Variants in OR51D1 observed in about 807,000 individuals in gnomAD.
OR51D1 encodes the protein olfactory receptor 51D1.
For synonymous variants in OR51D1, 187 were observed against 161.1 expected (o/e 1.16, Z -1.22); for missense variants, 452 against 396.2 (o/e 1.14, Z -1.20).
At position 4,640,858 on chromosome 11, in the gene OR51D1, T is replaced by G. The variant is rs1486366411; in HGVS notation, c.*93T>G. 1.9e-5 allele frequency: 22 copies of G among 1,174,556 alleles called. No individual in the cohort carries two copies. Among genetic ancestry groups the G allele is most frequent in the Non-Finnish European group, 1.2e-6 (1 of 833,388 alleles). The allele number at this position is 1,174,556 out of a possible 1,614,324, so 72.8% of individuals were successfully genotyped here. ...TTGGTGATTAAAGTATCAAACCTAT[T>G]GTGCTGTCTTCTTCCAGCAATTTAA... is the stretch of plus-strand genomic sequence containing the variant. On this transcript the variant is annotated 3_prime_UTR_variant, in exon 2 of 2. Coordinates refer to ENST00000641817, the MANE Select transcript of OR51D1 (RefSeq NM_001004751.3).
In OR51D1 at chr11:4,641,103, C is replaced by T. The variant is rs1846963097; in HGVS notation, c.*338C>T. ...GAAGTATGATTTTAATGTTCTTGCC[C>T]CCATGTGCCCATGTTGGTGAATTTG... On this transcript the variant is annotated 3_prime_UTR_variant, in exon 2 of 2. Transcript: ENST00000641817. 1.3e-5 allele frequency: 3 copies of T among 235,134 alleles called. No homozygotes were observed. The South Asian group carries it at 2.5e-4, about 20-fold the overall frequency. The allele number at this position is 235,134 out of a possible 1,614,324, so 14.6% of individuals were successfully genotyped here.
Position 4,639,950 on chromosome 11 carries a change from G to C in OR51D1, c.160G>C (p.Gly54Arg), listed in dbSNP as rs766985867. The C allele has an allele frequency of 1.5e-5, 25 of 1,614,004 alleles. No individual in the cohort carries two copies. The highest frequency in any genetic ancestry group is 1.9e-5 in the Non-Finnish European group (23 of 1,180,034). ...TTTTATGTATGCCTTGGCCACCCTG[G>C]GTAACCTGACCATTGTCCTCATCAT... is the stretch of plus-strand genomic sequence containing the variant. ...LCFMYALATL[G>R]NLTIVLIIRV... The change falls in exon 2 of 2, where the codon GGT becomes CGT. Residue 54 changes from glycine to arginine, a missense_variant. Transcript: ENST00000641817.
Position 4,639,831 on chromosome 11 carries a change from C to T in OR51D1, c.41C>T (p.Ser14Leu). Residue 14 changes from serine to leucine, a missense_variant, in exon 2 of 2, where the codon TCA becomes TTA. Coordinates refer to ENST00000641817, the MANE Select transcript of OR51D1 (RefSeq NM_001004751.3). Reference sequence around the variant, plus strand: ...CTCTTGGTCCCTATCATAGCCACTTCAAATGGAAATCTGGTCCACGCAGCA... The same window carrying T: ...CTCTTGGTCCCTATCATAGCCACTTTAAATGGAAATCTGGTCCACGCAGCA... ...PQLLVPIIAT[S>L]NGNLVHAAYF... The T allele has an allele frequency of 6.2e-7, 1 of 1,614,166 alleles. No individual in the cohort carries two copies. The highest frequency in any genetic ancestry group is 1.1e-5 in the South Asian group (1 of 91,076).
Position 4,639,967 on chromosome 11 carries a change from C to G in OR51D1, c.177C>G (p.Val59=). 5.0e-6 allele frequency: 8 copies of G among 1,614,184 alleles called. No homozygotes were observed. The highest frequency in any genetic ancestry group is 5.9e-6 in the Non-Finnish European group (7 of 1,180,020). The part of the protein sequence containing the change: ...ALATLGNLTI[V]LIIRVERRLH... ...CCACCCTGGGTAACCTGACCATTGT[C>G]CTCATCATTCGTGTGGAGAGGCGAC... Residue 59 remains valine, a synonymous_variant, in exon 2 of 2, where the codon GTC becomes GTG. Transcript: ENST00000641817.
intron 1 of OR51D1, among the ~76,000 whole-genome samples, chr11:4,638,276 A>G (rs1024906812): frequency 2.6e-5 from 4 of 152,182 alleles, no homozygotes; most frequent in Non-Finnish European, 5.9e-5. Flanking sequence ...CTCTGAGATC[A>G]GGAACAGGTT....
At chr11:4,637,827 TGTG>T (rs1467414103) in intron 1 of OR51D1, 74 bp downstream of exon 1, 1 of 152,926 alleles carries the variant, frequency 6.5e-6, no homozygotes, top group Admixed American at 6.6e-5. Context: ...ACGTGTGTGT[TGTG>T]GTGGTGCTGG....
Position 4,639,815 on chromosome 11 carries a change from C to T in OR51D1, c.25C>T (p.Pro9Ser). 6.2e-7 allele frequency: 1 copy of T among 1,613,642 alleles called. No homozygotes were observed. The highest frequency in any genetic ancestry group is 8.5e-7 in the Non-Finnish European group (1 of 1,179,652). The change falls in exon 2 of 2, where the codon CCT (proline) becomes TCT (serine). Residue 9 changes from proline (P) to serine (S), a missense_variant. Physicochemically the swap from Pro to Ser is moderately conservative, Grantham distance 74. Coordinates refer to ENST00000641817, the MANE Select transcript of OR51D1 (RefSeq NM_001004751.3). Reference sequence around the variant, plus strand: ...TATGCAGAAGCCCCAGCTCTTGGTCCCTATCATAGCCACTTCAAATGGAAA... The same window carrying T: ...TATGCAGAAGCCCCAGCTCTTGGTCTCTATCATAGCCACTTCAAATGGAAA... The part of the protein sequence containing the change: MQKPQLLV[P>S]IIATSNGNLV...
chr11:4,640,037 G>A lies in OR51D1; in HGVS notation c.247G>A (p.Asp83Asn). ...CTTCCTGGCCATGCTTTCCACTATTGACCTAGTCCTCTCCTCTATCACCAT... is the reference window on the plus strand; with the variant it reads ...CTTCCTGGCCATGCTTTCCACTATTAACCTAGTCCTCTCCTCTATCACCAT... ...YLFLAMLSTI[D>N]LVLSSITMPK... The change falls in exon 2 of 2, where the codon GAC becomes AAC. Residue 83 changes from aspartate (D) to asparagine (N), a missense_variant. Coordinates refer to ENST00000641817, the MANE Select transcript of OR51D1 (RefSeq NM_001004751.3). 6.2e-7 allele frequency: 1 copy of A among 1,614,116 alleles called. No individual in the cohort carries two copies. The highest frequency in any genetic ancestry group is 1.7e-5 in the Admixed American group (1 of 60,014).
Position 4,640,618 on chromosome 11 carries a change from G to C in OR51D1, c.828G>C (p.Arg276Ser). ...VPLIGLSVVH[R>S]LGGPTSLLHV... is the part of the protein sequence containing the mutation. ...TCATTGGGCTCTCGGTGGTGCATAG[G>C]CTGGGTGGTCCCACCTCCCTCCTCC... The change falls in exon 2 of 2, where the codon AGG becomes AGC. Residue 276 changes from arginine (R) to serine (S), a missense_variant. Coordinates refer to ENST00000641817, the MANE Select transcript of OR51D1 (RefSeq NM_001004751.3). 1.3e-6 allele frequency: 2 copies of C among 1,588,784 alleles called. No homozygotes were observed. Among genetic ancestry groups the C allele is most frequent in the East Asian group, 2.3e-5 (1 of 44,032 alleles).
At position 4,639,877 on chromosome 11, in the gene OR51D1, C is replaced by A. The variant is rs1293703774; in HGVS notation, c.87C>A (p.Ile29=). The change falls in exon 2 of 2, where the codon ATC becomes ATA. Residue 29 remains isoleucine, a synonymous_variant. Coordinates refer to ENST00000641817, the MANE Select transcript of OR51D1 (RefSeq NM_001004751.3). The part of the protein sequence containing the change: ...VHAAYFLLVG[I]PGLGPTIHFW... Reference sequence around the variant, plus strand: ...CAGCATACTTCCTTTTGGTGGGTATCCCTGGCCTGGGGCCTACCATACACT... The same window carrying A: ...CAGCATACTTCCTTTTGGTGGGTATACCTGGCCTGGGGCCTACCATACACT... The A allele has an allele frequency of 6.2e-7, 1 of 1,614,212 alleles. No individual in the cohort carries two copies. The highest frequency in any genetic ancestry group is 8.5e-7 in the Non-Finnish European group (1 of 1,180,038).
intron 1 of OR51D1, among the ~76,000 whole-genome samples, chr11:4,638,167 T>C (rs1316324336): frequency 6.6e-6 from 1 of 152,038 alleles, no homozygotes; most frequent in Non-Finnish European, 1.5e-5. Flanking sequence ...CAATAATTAA[T>C]TGGAAAAGTT....
Position 4,641,139 on chromosome 11 carries a change from A to C in OR51D1, c.*374A>C. 1.5e-5 allele frequency: 3 copies of C among 198,564 alleles called. No homozygotes were observed. Among genetic ancestry groups the C allele is most frequent in the African/African-American group, 2.3e-5 (1 of 43,180 alleles). The allele number at this position is 198,564 out of a possible 1,614,324, so 12.3% of individuals were successfully genotyped here. On this transcript the variant is annotated 3_prime_UTR_variant, in exon 2 of 2. Transcript: ENST00000641817. ...ATGTTGGTGAATTTGCATGGACTAT[A>C]AACGTTATTGCAAATACCCTAAAGT... is the stretch of plus-strand genomic sequence containing the variant.
At position 4,639,940 on chromosome 11, in the gene OR51D1, G is replaced by C. The variant is rs774987731; in HGVS notation, c.150G>C (p.Leu50Phe). 1 of 1,614,020 alleles carries C rather than the reference G, an allele frequency of 6.2e-7. No homozygotes were observed. ...TCCCACTGTGTTTTATGTATGCCTT[G>C]GCCACCCTGGGTAACCTGACCATTG... ...LAFPLCFMYA[L>F]ATLGNLTIVL... Residue 50 changes from leucine (L) to phenylalanine (F), a missense_variant, in exon 2 of 2, where the codon TTG becomes TTC. Coordinates refer to ENST00000641817, the MANE Select transcript of OR51D1 (RefSeq NM_001004751.3).
Position 4,642,442 on chromosome 11 carries a change from C to T in OR51D1, c.*1677C>T, listed in dbSNP as rs1201787117. 1 of 151,750 alleles carries T rather than the reference C, an allele frequency of 6.6e-6. No individual in the cohort carries two copies. Among genetic ancestry groups the T allele is most frequent in the Admixed American group, 6.6e-5 (1 of 15,184 alleles). 9.4% of individuals were successfully genotyped at this position (151,750 alleles called of 1,614,324 possible). On this transcript the variant is annotated 3_prime_UTR_variant, in exon 2 of 2. Coordinates refer to ENST00000641817, the MANE Select transcript of OR51D1 (RefSeq NM_001004751.3). ...GTGTGATGGCGCGTGCCTGTAGTCC[C>T]AGCTAGTTGGGAGGCTGAGGCAGGA...
Position 4,638,199 on chromosome 11 carries a change from G to A in OR51D1, c.-15+446G>A, listed in dbSNP as rs149047761. On this transcript the variant is annotated intron_variant, in intron 1 of 1. Coordinates refer to ENST00000641817, the MANE Select transcript of OR51D1 (RefSeq NM_001004751.3). ...AGTTGAATTGCATGTGGGGGTGAAA[G>A]AGGAGACGGGTCAAGATGAGACCAG... 1.2e-3 allele frequency among the ~76,000 whole-genome samples: 183 copies of A among 152,292 alleles called. 2 individuals are homozygous for A. The highest frequency in any genetic ancestry group is 3.4e-3 in the Middle Eastern group (1 of 294).
intron 1 of OR51D1, among the ~76,000 whole-genome samples, chr11:4,639,510 G>A (rs141426406): frequency 3.3e-5 from 5 of 152,260 alleles, no homozygotes; most frequent in African/African-American, 1.2e-4. Context: ...TTTATGAGTG[G>A]GTCTTCACAC....
rs1473580231 is a variant in OR51D1 at position 4,642,524 on chromosome 11, C to T, written c.*1759C>T. The T allele has an allele frequency of 1.4e-5, 2 of 145,064 alleles. No individual in the cohort carries two copies. Among genetic ancestry groups the T allele is most frequent in the Non-Finnish European group, 3.0e-5 (2 of 67,308 alleles). The allele number at this position is 145,064 out of a possible 1,614,324, so 9.0% of individuals were successfully genotyped here. A position where few individuals can be genotyped will look rare whatever the true frequency, so the allele number is the denominator to read the frequency against. On this transcript the variant is annotated 3_prime_UTR_variant, in exon 2 of 2. Transcript: ENST00000641817. ...AGTGAGCCGAGATCATGCCACTGCA[C>T]TCCAGCCTGGTGACAGAGCAAGACT...
chr11:4,638,585 A>AC (rs1352926548), intron 1 of OR51D1, among the ~76,000 whole-genome samples: 1 of 152,108 alleles, frequency 6.6e-6, no homozygotes, highest in African/African-American at 2.4e-5. Flanking sequence ...GCTGAGCGCA[A>AC]CCTGGGACTG....
rs1489974400 is a variant in OR51D1, at chr11:4,642,346, T to C, written c.*1581T>C. On this transcript the variant is annotated 3_prime_UTR_variant, in exon 2 of 2. Transcript: ENST00000641817. ...TATCCTCACCTCTCCCTTCCCTTTT[T>C]GGCTTATCTGCCAAACATGTATAAA... The C allele has an allele frequency of 6.6e-6, 1 of 152,266 alleles. No individual in the cohort carries two copies. The highest frequency in any genetic ancestry group is 1.5e-5 in the Non-Finnish European group (1 of 68,090). 9.4% of individuals were successfully genotyped at this position (152,266 alleles called of 1,614,324 possible).
Sources: allele counts gnomAD v4.1 joint callset (sites outside exome capture counted in the v4.1 genomes callset), GRCh38; gene constraint gnomAD v4.1.1; transcripts MANE v1.5; gene names NCBI Gene and HGNC (gene_info 2026-07-23, HGNC 2026-07-21).